CNTN5: variants seen among roughly 807,000 people sequenced by gnomAD.
The protein encoded by CNTN5 is contactin 5, also known as contactin-5.
Under a neutral mutation model 129.1 loss-of-function variants are expected in CNTN5, and 77 were observed. The observed-to-expected ratio is 0.60, with a 90% CI of 0.50 to 0.72. The LOEUF (loss-of-function observed/expected upper bound fraction) is 0.72. Ranked by LOEUF, CNTN5 falls within the 30% of genes least tolerant of loss-of-function variation. The probability of loss-of-function intolerance (pLI) is 0.00; values close to 1 mark genes in which losing one functional copy is unlikely to be tolerated. For missense variants in CNTN5, 1,478 were observed against 1,328.8 expected (o/e 1.11, Z -1.75); for synonymous variants, 509 against 465.6 (o/e 1.09, Z -1.20).
At chr11:99,554,073 C>T (rs1948590584) in intron 2 of CNTN5, among the ~76,000 whole-genome samples, 1 of 151,300 alleles carries the variant, frequency 6.6e-6, no homozygotes, top group African/African-American at 2.4e-5. Context: ...ATTCAGTGTA[C>T]CATTTATATT....
intron 8 of CNTN5, among the ~76,000 whole-genome samples, chr11:100,000,671 T>C (rs924560280): frequency 1.3e-5 from 2 of 152,192 alleles, no homozygotes; most frequent in Non-Finnish European, 2.9e-5. Context: ...AACCCCGCCA[T>C]TCCCCTCTGC....
chr11:99,428,798 TTTAAAG>T (rs1943246327), intron 2 of CNTN5, among the ~76,000 whole-genome samples: 1 of 152,264 alleles, frequency 6.6e-6, no homozygotes, highest in South Asian at 2.1e-4. Flanking sequence ...CTAGTCATCA[TTTAAAG>T]TTATTTTCCT....
intron 3 of CNTN5, among the ~76,000 whole-genome samples, chr11:99,556,787 T>C (rs1169768644): frequency 6.6e-6 from 1 of 150,786 alleles, no homozygotes; most frequent in African/African-American, 2.4e-5. Context: ...TAACACAATG[T>C]ATTTTTTCAG....
At chr11:99,584,827 T>G (rs1949738541) in intron 3 of CNTN5, among the ~76,000 whole-genome samples, 1 of 152,214 alleles carries the variant, frequency 6.6e-6, no homozygotes, top group Non-Finnish European at 1.5e-5. Flanking sequence ...TGTTTTTACT[T>G]GAAAGAAAGA....
rs1384234678 is a variant in CNTN5 at position 99,178,334 on chromosome 11, ACACACAC to A, written c.-209-147011_-209-147005del. ...CATCTCCACACACACACACACACAC[ACACACAC>A]ACACACACACACACACACACACACA... On this transcript the variant is annotated intron_variant, in intron 1 of 24. Coordinates refer to ENST00000524871, the MANE Select transcript of CNTN5 (RefSeq NM_014361.4). Among the ~76,000 whole-genome samples the A allele has an allele frequency of 2.7e-5, 4 of 149,200 alleles. No homozygotes were observed. In the East Asian group the frequency reaches 7.9e-4, roughly 30 times the overall value.
intron 15 of CNTN5, among the ~76,000 whole-genome samples, chr11:100,207,814 T>C (rs1007949459): frequency 1.3e-5 from 2 of 152,210 alleles, no homozygotes; most frequent in Non-Finnish European, 2.9e-5. Context: ...CTCTGGTGTT[T>C]AAAATTACTG....
Position 100,152,305 on chromosome 11 carries a change from G to A in CNTN5, c.1581-38821G>A, listed in dbSNP as rs148271075. On this transcript the variant is annotated intron_variant, in intron 13 of 24. Transcript: ENST00000524871. Reference sequence around the variant, plus strand: ...TTATTACAAACAGAGACCCAGAAGCGTTTAGAGATCTGCTTAAGTTTGGAA... The same window carrying A: ...TTATTACAAACAGAGACCCAGAAGCATTTAGAGATCTGCTTAAGTTTGGAA... 5.1e-4 allele frequency among the ~76,000 whole-genome samples: 77 copies of A among 152,206 alleles called. 1 individual carries two copies. Among genetic ancestry groups the A allele is most frequent in the African/African-American group, 1.7e-3 (71 of 41,564 alleles).
At chr11:99,558,631 A>C (rs534235188) in intron 3 of CNTN5, among the ~76,000 whole-genome samples, 8 of 152,154 alleles carry the variant, frequency 5.3e-5, no homozygotes, top group African/African-American at 1.7e-4. Flanking sequence ...AAACACAAAA[A>C]TACTCAGCCT....
intron 1 of CNTN5, among the ~76,000 whole-genome samples, chr11:99,076,599 T>C (rs766239613): frequency 6.6e-6 from 1 of 152,114 alleles, no homozygotes; most frequent in Admixed American, 6.5e-5. Flanking sequence ...TGAAGCTTTT[T>C]AAAAAATAGA....
Position 100,113,866 on chromosome 11 carries a change from C to A in CNTN5, c.1580+39572C>A, listed in dbSNP as rs146688156. Among the ~76,000 whole-genome samples, 85 of 151,830 alleles carry A rather than the reference C, an allele frequency of 5.6e-4. No homozygotes were observed. The East Asian group carries it at 0.016, about 28-fold the overall frequency. On this transcript the variant is annotated intron_variant, in intron 13 of 24. Transcript: ENST00000524871. ...GTATGTAATTTCACTTTTTTTAAAC[C>A]TTTTAGCGTATGTCTCATGTGGTCT...
At chr11:99,151,531 G>A (rs80335557) in intron 1 of CNTN5, among the ~76,000 whole-genome samples, 5,756 of 152,038 alleles carry the variant, frequency 0.038, 247 homozygotes, top group African/African-American at 0.099. Context: ...AATATTTTCC[G>A]GTAATACAGT....
At chr11:99,681,443 A>G (rs993276057) in intron 3 of CNTN5, among the ~76,000 whole-genome samples, 10 of 152,116 alleles carry the variant, frequency 6.6e-5, no homozygotes, top group Admixed American at 1.3e-4. Flanking sequence ...GAACCTGATC[A>G]GTCAGTAGCT....
chr11:99,119,384 T>C (rs903526196), intron 1 of CNTN5, among the ~76,000 whole-genome samples: 2 of 152,174 alleles, frequency 1.3e-5, no homozygotes, highest in Non-Finnish European at 2.9e-5. Context: ...AATGAGAACA[T>C]ACGGTTTTTG....
intron 1 of CNTN5, among the ~76,000 whole-genome samples, chr11:99,172,693 G>C (rs1326141869): frequency 3.9e-5 from 6 of 152,166 alleles, no homozygotes; most frequent in Admixed American, 2.0e-4. Flanking sequence ...GTTATGAACA[G>C]GCAAATATTC....
intron 21 of CNTN5, among the ~76,000 whole-genome samples, chr11:100,325,562 T>A (rs867957903): frequency 6.6e-6 from 1 of 152,194 alleles, no homozygotes; most frequent in Non-Finnish European, 1.5e-5. Context: ...AAGCAAGCAA[T>A]GAAATAGCCT....
At chr11:99,382,343 A>G (rs1264056683) in intron 2 of CNTN5, among the ~76,000 whole-genome samples, 1 of 152,158 alleles carries the variant, frequency 6.6e-6, no homozygotes, top group Non-Finnish European at 1.5e-5. Context: ...GCTGGACAGA[A>G]ATTGGCTAGA....
At chr11:100,224,954 T>G in intron 16 of CNTN5, 142 bp downstream of exon 16, 1 of 803,800 alleles carries the variant, frequency 1.2e-6, no homozygotes, top group Admixed American at 3.3e-5. Flanking sequence ...CGCTTAACCT[T>G]TTGCCTTTGA....
At chr11:99,929,244 T>C (rs1467083195) in intron 7 of CNTN5, among the ~76,000 whole-genome samples, 1 of 152,172 alleles carries the variant, frequency 6.6e-6, no homozygotes, top group Non-Finnish European at 1.5e-5. Flanking sequence ...TTCCAAACTT[T>C]CCCCCATCTT....
intron 2 of CNTN5, among the ~76,000 whole-genome samples, chr11:99,431,199 G>C (rs117992669): frequency 3.3e-5 from 5 of 152,076 alleles, no homozygotes; most frequent in Non-Finnish European, 7.4e-5. Flanking sequence ...ATGGTAAGGA[G>C]AAATTAAGAC....
Sources: allele counts gnomAD v4.1 joint callset (sites outside exome capture counted in the v4.1 genomes callset), GRCh38; gene constraint gnomAD v4.1.1; transcripts MANE v1.5; gene names NCBI Gene and HGNC (gene_info 2026-07-23, HGNC 2026-07-21).